Variants in ERBB4 observed in about 807,000 individuals in gnomAD.
ERBB4 encodes erb-b2 receptor tyrosine kinase 4.
A neutral mutation model predicts 158.0 loss-of-function variants in ERBB4; 42 were observed. The ratio of observed to expected loss-of-function variants is 0.27; its 90% confidence interval spans 0.21 to 0.34. The LOEUF is 0.34. Ranked by LOEUF, ERBB4 falls within the 10% of genes least tolerant of loss-of-function variation. The pLI is 1.00. For synonymous variants in ERBB4, 583 were observed against 558.7 expected, an observed-to-expected ratio of 1.04 and a Z score of -0.61; for missense variants, 1,333 against 1,624.1, an observed-to-expected ratio of 0.82 and a Z score of 3.08.
intron 16 of ERBB4, among the ~76,000 whole-genome samples, chr2:211,635,791 T>C (rs1452029520): frequency 6.6e-6 from 1 of 152,106 alleles, no homozygotes; most frequent in African/African-American, 2.4e-5. Context: ...AATTCTATGA[T>C]TCTACCTTTT....
intron 2 of ERBB4, among the ~76,000 whole-genome samples, chr2:212,014,657 T>G (rs1052118591): frequency 6.6e-6 from 1 of 152,142 alleles, no homozygotes; most frequent in Non-Finnish European, 1.5e-5. Context: ...CACATTGCTT[T>G]ATTTGAACAT....
At chr2:212,083,054 T>C (rs1575608486) in intron 2 of ERBB4, among the ~76,000 whole-genome samples, 1 of 151,910 alleles carries the variant, frequency 6.6e-6, no homozygotes, top group Non-Finnish European at 1.5e-5. Context: ...TTCTCACTAA[T>C]AGAAGCCATT....
rs5838309 is a variant in ERBB4, at chr2:212,206,589, C to CTTTTTTTTTTTTT, written c.83-81699_83-81687dup. ...ATGAACTGTCTCCGTCTGTTCTGTT[C>CTTTTTTTTTTTTT]TTTTTTTTTTTTTTTTGAGACGGAG... On this transcript the variant is annotated intron_variant, in intron 1 of 27. Coordinates refer to ENST00000342788, the MANE Select transcript of ERBB4 (RefSeq NM_005235.3). Among the ~76,000 whole-genome samples the CTTTTTTTTTTTTT allele has an allele frequency of 2.8e-4, 33 of 116,418 alleles. 3 individuals are homozygous for CTTTTTTTTTTTTT. The highest frequency in any genetic ancestry group is 5.1e-4 in the African/African-American group (14 of 27,678). The allele number at this position is 116,418 out of a possible 152,430, so 76.4% of individuals were successfully genotyped here. A position where few individuals can be genotyped will look rare whatever the true frequency, so the allele number is the denominator to read the frequency against.
At chr2:212,379,762 A>G (rs74680900) in intron 1 of ERBB4, among the ~76,000 whole-genome samples, 1 of 149,562 alleles carries the variant, frequency 6.7e-6, no homozygotes, top group Non-Finnish European at 1.5e-5. Flanking sequence ...AAAACACTCA[A>G]TTTTTCTATC....
intron 1 of ERBB4, among the ~76,000 whole-genome samples, chr2:212,155,348 T>C (rs975091926): frequency 2.5e-5 from 3 of 121,350 alleles, no homozygotes; most frequent in Non-Finnish European, 5.6e-5. Flanking sequence ...AGGATAATGA[T>C]CTAATAGTCA....
intron 20 of ERBB4, among the ~76,000 whole-genome samples, chr2:211,497,824 G>A (rs1032697630): frequency 1.7e-4 from 26 of 151,930 alleles, no homozygotes; most frequent in Non-Finnish European, 2.2e-4. Context: ...TAAATGTCTG[G>A]GTCTGAAAGG....
At chr2:211,941,345 G>A (rs1266787518) in intron 3 of ERBB4, among the ~76,000 whole-genome samples, 1 of 149,698 alleles carries the variant, frequency 6.7e-6, no homozygotes, top group Non-Finnish European at 1.5e-5. Flanking sequence ...TAAACATTCT[G>A]TTTAACAACA....
chr2:212,246,500 T>G (rs1040523406), intron 1 of ERBB4, among the ~76,000 whole-genome samples: 3 of 152,190 alleles, frequency 2.0e-5, no homozygotes, highest in Non-Finnish European at 2.9e-5. Flanking sequence ...TCTGTTGAGT[T>G]TGCAGGAGAT....
intron 1 of ERBB4, among the ~76,000 whole-genome samples, chr2:212,371,253 T>C (rs2090075261): frequency 6.6e-6 from 1 of 152,234 alleles, no homozygotes; most frequent in African/African-American, 2.4e-5. Flanking sequence ...AGTACTTTCA[T>C]ATTTAAGCAT....
intron 2 of ERBB4, among the ~76,000 whole-genome samples, chr2:211,987,716 G>C (rs1029551342): frequency 5.3e-5 from 8 of 152,080 alleles, no homozygotes; most frequent in African/African-American, 1.7e-4. Flanking sequence ...AAATGCAATT[G>C]TTTCTCATTT....
chr2:211,903,386 G>A lies in ERBB4; in HGVS notation c.421+44044C>T, dbSNP rs190228567. ...AATCCCTGGAAAATGATTTTTGGGT[G>A]CAAGGCAGGCATGGAAAAGAAACAT... On this transcript the variant is annotated intron_variant, in intron 3 of 27. Coordinates refer to ENST00000342788, the MANE Select transcript of ERBB4 (RefSeq NM_005235.3). Among the ~76,000 whole-genome samples, 285 of 152,142 alleles carry A rather than the reference G, an allele frequency of 1.9e-3. 2 individuals carry two copies. Among genetic ancestry groups the A allele is most frequent in the Middle Eastern group, 6.8e-3 (2 of 294 alleles).
At chr2:212,281,418 C>CA (rs2085755587) in intron 1 of ERBB4, among the ~76,000 whole-genome samples, 1 of 151,750 alleles carries the variant, frequency 6.6e-6, no homozygotes, top group Admixed American at 6.6e-5. Context: ...ATGCCATCCC[C>CA]AGTCACATAT....
intron 18 of ERBB4, among the ~76,000 whole-genome samples, chr2:211,621,808 A>G (rs902633019): frequency 1.3e-5 from 2 of 152,184 alleles, no homozygotes; most frequent in Non-Finnish European, 2.9e-5. Flanking sequence ...CTTCATAAAC[A>G]CATAAATTTG....
chr2:211,976,721 A>C (rs986943478), intron 2 of ERBB4, among the ~76,000 whole-genome samples: 5 of 152,154 alleles, frequency 3.3e-5, no homozygotes, highest in Non-Finnish European at 7.4e-5. Flanking sequence ...TATAAAAATC[A>C]GTTGTACAAA....
At chr2:211,859,689 T>C (rs1341191746) in intron 3 of ERBB4, among the ~76,000 whole-genome samples, 1 of 152,216 alleles carries the variant, frequency 6.6e-6, no homozygotes, top group Admixed American at 6.5e-5. Flanking sequence ...GTGGTGACTC[T>C]GTGATTGCTT....
chr2:212,309,880 T>C (rs975268505), intron 1 of ERBB4, among the ~76,000 whole-genome samples: 1 of 150,532 alleles, frequency 6.6e-6, no homozygotes, highest in Non-Finnish European at 1.5e-5. Flanking sequence ...ACTCAGGAGA[T>C]GTTATCATCC....
At chr2:212,269,717 C>T (rs1411045951) in intron 1 of ERBB4, among the ~76,000 whole-genome samples, 1 of 151,718 alleles carries the variant, frequency 6.6e-6, no homozygotes, top group East Asian at 1.9e-4. Context: ...ATACTCAAGT[C>T]TAGTTTCTTT....
chr2:212,027,910 A>G (rs2125341562), intron 2 of ERBB4, among the ~76,000 whole-genome samples: 1 of 152,184 alleles, frequency 6.6e-6, no homozygotes, highest in South Asian at 2.1e-4. Flanking sequence ...CAATCCGAAT[A>G]TAGTATTTTG....
At chr2:211,708,071 C>A (rs572902615) in intron 9 of ERBB4, among the ~76,000 whole-genome samples, 27 of 151,844 alleles carry the variant, frequency 1.8e-4, no homozygotes, top group Non-Finnish European at 3.1e-4. Flanking sequence ...TATTGTTCAC[C>A]TTTAAAATAT....
Sources: allele counts gnomAD v4.1 joint callset (sites outside exome capture counted in the v4.1 genomes callset), GRCh38; gene constraint gnomAD v4.1.1; transcripts MANE v1.5; gene names NCBI Gene and HGNC (gene_info 2026-07-23, HGNC 2026-07-21).